The following PHACTR1 variants were observed in gnomAD, a reference collection of about 807,000 sequenced individuals.
PHACTR1 encodes the protein phosphatase and actin regulator 1, also known as RPEL repeat containing 1.
Under a neutral mutation model 69.2 loss-of-function variants are expected in PHACTR1, and 16 were observed. The observed-to-expected ratio is 0.23, with a 90% CI of 0.16 to 0.35. The LOEUF (loss-of-function observed/expected upper bound fraction) is 0.35. Among genes scored for constraint, PHACTR1 ranks in the 10% least tolerant of loss-of-function variants. The probability of loss-of-function intolerance (pLI) is 1.00; values close to 1 mark genes in which losing one functional copy is unlikely to be tolerated. For synonymous variants in PHACTR1, 312 were observed against 284.5 expected (o/e 1.10, Z -0.97); for missense variants, 510 against 734.7 (o/e 0.69, Z 3.54).
intron 4 of PHACTR1, among the ~76,000 whole-genome samples, chr6:12,905,988 G>T (rs1785685790): frequency 6.6e-6 from 1 of 152,154 alleles, no homozygotes; most frequent in African/African-American, 2.4e-5. Context: ...GAATGGTTTT[G>T]CAAGTTGCCT....
At chr6:12,876,069 T>G (rs1782503374) in intron 4 of PHACTR1, among the ~76,000 whole-genome samples, 1 of 152,148 alleles carries the variant, frequency 6.6e-6, no homozygotes, top group Non-Finnish European at 1.5e-5. Context: ...AACAAAAGGC[T>G]GTGAGCAGGT....
rs574719743 is a variant in PHACTR1 at position 12,825,778 on chromosome 6, C to T, written c.250+75988C>T. Among the ~76,000 whole-genome samples, 6 of 152,290 alleles carry T rather than the reference C, an allele frequency of 3.9e-5. No individual in the cohort carries two copies. In the South Asian group the frequency reaches 1.2e-3, roughly 32 times the overall value. ...AGTTCCTCTGCAGGTCTGGTTGTCTCATTCTCATCTGCTAGGGTACTGCCT... is the reference window on the plus strand; with the variant it reads ...AGTTCCTCTGCAGGTCTGGTTGTCTTATTCTCATCTGCTAGGGTACTGCCT... On this transcript the variant is annotated intron_variant, in intron 4 of 14. Coordinates refer to ENST00000332995, the MANE Select transcript of PHACTR1 (RefSeq NM_030948.6).
chr6:12,826,983 G>A (rs181250450), intron 4 of PHACTR1, among the ~76,000 whole-genome samples: 2 of 152,216 alleles, frequency 1.3e-5, no homozygotes, highest in East Asian at 3.9e-4. Context: ...TATTCTGTGG[G>A]ATACCCACTT....
At chr6:12,975,815 G>A (rs1164641997) in intron 4 of PHACTR1, among the ~76,000 whole-genome samples, 1 of 152,170 alleles carries the variant, frequency 6.6e-6, no homozygotes, top group Non-Finnish European at 1.5e-5. Flanking sequence ...TAATTTCTGG[G>A]CTCAAGTAAT....
At chr6:13,126,683 C>T (rs1371150247) in intron 5 of PHACTR1, among the ~76,000 whole-genome samples, 4 of 152,226 alleles carry the variant, frequency 2.6e-5, no homozygotes, top group Non-Finnish European at 5.9e-5. Flanking sequence ...TTAAATATCG[C>T]ACCACCTTAT....
In PHACTR1 at chr6:12,886,887, G is replaced by A. The variant is rs564587353; in HGVS notation, c.250+137097G>A. ...CTGTCACTTCAAAAAACAGTAGCAA[G>A]AGGGATGGGAGGTGTGAATCATGAA... On this transcript the variant is annotated intron_variant, in intron 4 of 14. Transcript: ENST00000332995. Among the ~76,000 whole-genome samples the A allele has an allele frequency of 2.0e-5, 3 of 152,160 alleles. No homozygotes were observed. In the South Asian group the frequency reaches 6.2e-4, roughly 32 times the overall value.
intron 4 of PHACTR1, among the ~76,000 whole-genome samples, chr6:12,950,922 G>A (rs1251231239): frequency 2.0e-5 from 3 of 152,096 alleles, no homozygotes; most frequent in Admixed American, 6.6e-5. Context: ...GTATCTTTCC[G>A]GGGTCTTGGT....
intron 10 of PHACTR1, among the ~76,000 whole-genome samples, chr6:13,255,678 G>A (rs1775086569): frequency 6.6e-6 from 1 of 152,232 alleles, no homozygotes; most frequent in Non-Finnish European, 1.5e-5. Flanking sequence ...AAACCTAGCA[G>A]GGCAGTCATT....
At chr6:12,811,069 C>T (rs1774960363) in intron 4 of PHACTR1, among the ~76,000 whole-genome samples, 1 of 152,168 alleles carries the variant, frequency 6.6e-6, no homozygotes, top group African/African-American at 2.4e-5. Context: ...CTGTCCAATA[C>T]AAGATTGATT....
At chr6:13,102,628 A>T (rs1232556545) in intron 5 of PHACTR1, among the ~76,000 whole-genome samples, 1 of 152,172 alleles carries the variant, frequency 6.6e-6, no homozygotes, top group Non-Finnish European at 1.5e-5. Context: ...CTGTTGCCAG[A>T]TCTCTTTTAG....
chr6:12,936,771 T>C (rs1789498370), intron 4 of PHACTR1, among the ~76,000 whole-genome samples: 1 of 152,186 alleles, frequency 6.6e-6, no homozygotes, highest in African/African-American at 2.4e-5. Flanking sequence ...GGCATGTAAT[T>C]TGCATTCACA....
chr6:13,058,713 G>C (rs537296977), intron 5 of PHACTR1, among the ~76,000 whole-genome samples: 1 of 152,168 alleles, frequency 6.6e-6, no homozygotes, highest in Non-Finnish European at 1.5e-5. Flanking sequence ...AGAGGTTTGG[G>C]CTAGAGTCTG....
In PHACTR1 at chr6:12,922,938, G is replaced by A. The variant is rs553008308; in HGVS notation, c.251-130427G>A. On this transcript the variant is annotated intron_variant, in intron 4 of 14. Transcript: ENST00000332995. ...TTCCTAGAACTCTGCATCAGACCCC[G>A]GAGTAAATTGAAAGAACTATATTCC... Among the ~76,000 whole-genome samples the A allele has an allele frequency of 1.1e-4, 16 of 152,224 alleles. No homozygotes were observed. The South Asian group carries it at 1.2e-3, about 12-fold the overall frequency.
chr6:13,057,600 AT>A (rs2127744305), intron 5 of PHACTR1, among the ~76,000 whole-genome samples: 1 of 152,306 alleles, frequency 6.6e-6, no homozygotes, highest in South Asian at 2.1e-4. Flanking sequence ...TCTCTTTGTA[AT>A]TAAATTTCTG....
At chr6:13,082,654 A>T (rs1043726068) in intron 5 of PHACTR1, among the ~76,000 whole-genome samples, 2 of 152,086 alleles carry the variant, frequency 1.3e-5, no homozygotes, top group African/African-American at 4.8e-5. Context: ...CTGGTGTGAG[A>T]TGGTATCTCA....
At chr6:13,008,935 C>T (rs1799139052) in intron 4 of PHACTR1, among the ~76,000 whole-genome samples, 1 of 152,194 alleles carries the variant, frequency 6.6e-6, no homozygotes, top group Non-Finnish European at 1.5e-5. Flanking sequence ...TTCTCTCACT[C>T]AGTTCTGGAG....
At chr6:12,934,168 T>C (rs1318545539) in intron 4 of PHACTR1, among the ~76,000 whole-genome samples, 2 of 152,076 alleles carry the variant, frequency 1.3e-5, no homozygotes, top group Admixed American at 1.3e-4. Context: ...AATGCATCAC[T>C]CCAATCTCTG....
rs559335975 is a variant in PHACTR1, at chr6:12,886,936, C to T, written c.250+137146C>T. Reference sequence around the variant, plus strand: ...AAGCAAAAAAGTTTGATTCCAAGCACGGGATCCCAACAGAAGGTGGTGGTC... The same window carrying T: ...AAGCAAAAAAGTTTGATTCCAAGCATGGGATCCCAACAGAAGGTGGTGGTC... On this transcript the variant is annotated intron_variant, in intron 4 of 14. Transcript: ENST00000332995. Among the ~76,000 whole-genome samples the T allele has an allele frequency of 1.1e-3, 169 of 152,180 alleles. 1 individual carries two copies. The highest frequency in any genetic ancestry group is 5.1e-4 in the Non-Finnish European group (35 of 68,012).
At chr6:13,284,578 G>GTATCTATA (rs1781203829) in intron 13 of PHACTR1, among the ~76,000 whole-genome samples, 2 of 97,802 alleles carry the variant, frequency 2.0e-5, no homozygotes, top group East Asian at 5.7e-4. Context: ...ATAGATACAC[G>GTATCTATA]TATATATATA....
Sources: allele counts gnomAD v4.1 joint callset (sites outside exome capture counted in the v4.1 genomes callset), GRCh38; gene constraint gnomAD v4.1.1; transcripts MANE v1.5; gene names NCBI Gene and HGNC (gene_info 2026-07-23, HGNC 2026-07-21).